The following FGF14 variants were observed in gnomAD, a reference collection of about 807,000 sequenced individuals.
FGF14 encodes the protein fibroblast growth factor 14, also known as fibroblast growth factor homologous factor 4.
FGF14 carries 5 observed loss-of-function variants against 25.5 expected under a neutral mutation model. That is an observed-to-expected ratio of 0.20 (90% confidence interval 0.10 to 0.41). The LOEUF (loss-of-function observed/expected upper bound fraction) is 0.41, where lower values mean the gene tolerates loss of function less well. Ranked by LOEUF, FGF14 falls within the 10% of genes least tolerant of loss-of-function variation. The pLI is 1.00. For missense variants in FGF14, 222 were observed against 320.1 expected, an observed-to-expected ratio of 0.69 and a Z score of 2.34; for synonymous variants, 138 against 118.3, an observed-to-expected ratio of 1.17 and a Z score of -1.08.
intron 3 of FGF14, among the ~76,000 whole-genome samples, chr13:101,813,389 G>A (rs545491844): frequency 1.1e-4 from 16 of 152,244 alleles, no homozygotes; most frequent in Admixed American, 4.6e-4. Context: ...GGCTTGAGCG[G>A]GTGGGTTGGC....
At chr13:102,203,567 A>G (rs1188177756) in intron 1 of FGF14, among the ~76,000 whole-genome samples, 2 of 152,216 alleles carry the variant, frequency 1.3e-5, no homozygotes, top group Admixed American at 1.3e-4. Context: ...AATGAGACCA[A>G]TAAGAGGATA....
chr13:101,740,468 T>C (rs2036476374), intron 3 of FGF14, among the ~76,000 whole-genome samples: 1 of 152,056 alleles, frequency 6.6e-6, no homozygotes. Flanking sequence ...GCATTGGCAA[T>C]GGAGGTGGAC....
At chr13:102,140,047 C>G (rs866480183) in intron 1 of FGF14, among the ~76,000 whole-genome samples, 18 of 141,046 alleles carry the variant, frequency 1.3e-4, no homozygotes, top group African/African-American at 4.1e-4. Flanking sequence ...TTCAAGACCC[C>G]CCCCCCCCCT....
At chr13:101,799,076 G>A (rs1238146036) in intron 3 of FGF14, among the ~76,000 whole-genome samples, 1 of 152,086 alleles carries the variant, frequency 6.6e-6, no homozygotes, top group Non-Finnish European at 1.5e-5. Flanking sequence ...TGCTGCATAC[G>A]AATGACTTCC....
intron 1 of FGF14, among the ~76,000 whole-genome samples, chr13:102,378,621 ATCTATCTATC>A (rs1566973676): frequency 1.1e-4 from 15 of 138,550 alleles, no homozygotes; most frequent in African/African-American, 3.1e-4. Context: ...CTATCTATCT[ATCTATCTATC>A]TATATATATA....
chr13:102,312,924 A>G (rs1435632481), intron 1 of FGF14, among the ~76,000 whole-genome samples: 3 of 152,140 alleles, frequency 2.0e-5, no homozygotes, highest in Admixed American at 2.0e-4. Flanking sequence ...CAGGTACATC[A>G]CTCAGGGGCT....
At chr13:101,967,111 C>G (rs1330274854) in intron 1 of FGF14, among the ~76,000 whole-genome samples, 1 of 152,182 alleles carries the variant, frequency 6.6e-6, no homozygotes, top group Non-Finnish European at 1.5e-5. Flanking sequence ...GGTTCTGTAG[C>G]ACAACATCCC....
At chr13:102,323,478 C>G (rs2056317026) in intron 1 of FGF14, among the ~76,000 whole-genome samples, 1 of 152,100 alleles carries the variant, frequency 6.6e-6, no homozygotes, top group Non-Finnish European at 1.5e-5. Context: ...ACATAAAAGA[C>G]TGGTTTCACC....
At chr13:101,911,068 CT>C (rs1050285117) in intron 1 of FGF14, among the ~76,000 whole-genome samples, 2 of 151,566 alleles carry the variant, frequency 1.3e-5, no homozygotes, top group African/African-American at 4.8e-5. Context: ...ATTTAGAAAC[CT>C]TTCCTTTTAA....
intron 3 of FGF14, among the ~76,000 whole-genome samples, chr13:101,770,410 T>A (rs961704426): frequency 4.8e-4 from 73 of 152,226 alleles, no homozygotes; most frequent in African/African-American, 1.6e-3. Flanking sequence ...TGGGATTCAT[T>A]AAAACAAACA....
chr13:101,858,323 G>T (rs1168890746), intron 3 of FGF14, among the ~76,000 whole-genome samples: 2 of 151,174 alleles, frequency 1.3e-5, no homozygotes, highest in East Asian at 3.9e-4. Context: ...AATTTTTAAA[G>T]ATGCACAATT....
At chr13:102,035,625 T>G (rs901179660) in intron 1 of FGF14, among the ~76,000 whole-genome samples, 6 of 152,212 alleles carry the variant, frequency 3.9e-5, no homozygotes, top group Non-Finnish European at 7.3e-5. Flanking sequence ...CTGCTGGAGT[T>G]ATTATTAGCT....
chr13:102,190,047 A>G (rs2049061042), intron 1 of FGF14, among the ~76,000 whole-genome samples: 1 of 152,162 alleles, frequency 6.6e-6, no homozygotes, highest in Admixed American at 6.5e-5. Context: ...GGGGACACAC[A>G]TCCAAAACAT....
intron 1 of FGF14, among the ~76,000 whole-genome samples, chr13:102,183,770 A>G (rs1164496887): frequency 1.3e-5 from 2 of 152,178 alleles, no homozygotes; most frequent in African/African-American, 4.8e-5. Flanking sequence ...TGGGAATCGG[A>G]CAGACCTAGA....
At chr13:101,797,296 C>T (rs2040582510) in intron 3 of FGF14, among the ~76,000 whole-genome samples, 1 of 152,066 alleles carries the variant, frequency 6.6e-6, no homozygotes. Flanking sequence ...TCTTTATAGA[C>T]AGGGTGGCTA....
At position 101,897,157 on chromosome 13, in the gene FGF14, T is replaced by A. The variant is rs1012256481; in HGVS notation, c.193+19296A>T. ...CTGATCCATAGACATGTGGAAAGAT[T>A]TACCTAGGTCCTGGGTTTGCCCCGC... is the stretch of plus-strand genomic sequence containing the variant. On this transcript the variant is annotated intron_variant, in intron 1 of 4. Coordinates refer to ENST00000376143, the MANE Select transcript of FGF14 (RefSeq NM_004115.4). 4.6e-5 allele frequency among the ~76,000 whole-genome samples: 7 copies of A among 152,154 alleles called. No homozygotes were observed. In the East Asian group the frequency reaches 1.3e-3, roughly 29 times the overall value.
intron 2 of FGF14, among the ~76,000 whole-genome samples, chr13:101,872,283 C>T (rs1481540847): frequency 2.0e-5 from 3 of 150,450 alleles, no homozygotes; most frequent in South Asian, 2.1e-4. Flanking sequence ...AATGATTATT[C>T]ATAATGTTTA....
intron 1 of FGF14, among the ~76,000 whole-genome samples, chr13:102,290,942 T>C (rs1180934165): frequency 6.6e-6 from 1 of 152,184 alleles, no homozygotes; most frequent in African/African-American, 2.4e-5. Flanking sequence ...CAAACCTATA[T>C]AGTTTGAATT....
intron 1 of FGF14, among the ~76,000 whole-genome samples, chr13:102,057,116 G>GAAAAAGT (rs2042467751): frequency 6.6e-6 from 1 of 151,668 alleles, no homozygotes; most frequent in Non-Finnish European, 1.5e-5. Context: ...AATGAAAGCA[G>GAAAAAGT]AAAAAGTAAA....
Sources: gnomAD v4.1 joint callset for allele counts (sites outside exome capture counted in the v4.1 genomes callset) on GRCh38, gnomAD v4.1.1 for gene constraint, MANE v1.5 for transcripts, NCBI Gene and HGNC (gene_info 2026-07-23, HGNC 2026-07-21) for gene names.